ETV1: variants seen among roughly 807,000 people sequenced by gnomAD.
The protein encoded by ETV1 is ETS variant transcription factor 1, also known as ETS translocation variant 1.
ETV1 carries 27 observed loss-of-function variants against 62.3 expected under a neutral mutation model. That is an observed-to-expected ratio of 0.43 (90% CI 0.32 to 0.60). The LOEUF (loss-of-function observed/expected upper bound fraction) is 0.60, where lower values mean the gene tolerates loss of function less well. Ranked by LOEUF, ETV1 falls within the 20% of genes least tolerant of loss-of-function variation. ETV1 has a pLI of 0.06. For missense variants in ETV1, 605 were observed against 605.8 expected (o/e 1.00, Z 0.01); for synonymous variants, 222 against 199.6 (o/e 1.11, Z -0.94).
rs2128492073 is a variant in ETV1, at chr7:13,969,989, G to T, written c.235+7438C>A. Among the ~76,000 whole-genome samples, 4 of 152,202 alleles carry T rather than the reference G, an allele frequency of 2.6e-5. No individual in the cohort carries two copies. In the Middle Eastern group the frequency reaches 0.01, roughly 388 times the overall value. On this transcript the variant is annotated intron_variant, in intron 6 of 13. Coordinates refer to ENST00000430479, the MANE Select transcript of ETV1 (RefSeq NM_004956.5). ...TATTTAAACTGGGCCAGGCGCAGTG[G>T]CTCACGCCTGTAATCCCAGCACTTT...
At position 13,989,158 on chromosome 7, in the gene ETV1, G is replaced by T; in HGVS notation, c.-87-19C>A. Reference sequence around the variant, plus strand: ...TATCAACCTAGAGGGGAACAAGATGGCTTTTAGGCTTAAAAAAAAATCATG... The same window carrying T: ...TATCAACCTAGAGGGGAACAAGATGTCTTTTAGGCTTAAAAAAAAATCATG... On this transcript the variant is annotated intron_variant, in intron 2 of 13. Transcript: ENST00000430479. 1.1e-6 allele frequency: 1 copy of T among 889,394 alleles called. No individual in the cohort carries two copies. The highest frequency in any genetic ancestry group is 1.7e-6 in the Non-Finnish European group (1 of 600,268). The allele number at this position is 889,394 out of a possible 1,614,324, so 55.1% of individuals were successfully genotyped here.
intron 3 of ETV1, 183 bp downstream of exon 3, chr7:13,988,825 C>T: frequency 6.2e-7 from 1 of 1,600,862 alleles, no homozygotes; most frequent in Non-Finnish European, 8.5e-7. Flanking sequence ...TTATCCAAAT[C>T]ACTGAAAGGT....
intron 9 of ETV1, among the ~76,000 whole-genome samples, chr7:13,915,322 T>C (rs1221573787): frequency 6.6e-6 from 1 of 152,186 alleles, no homozygotes; most frequent in Non-Finnish European, 1.5e-5. Context: ...TCTGAAATTA[T>C]CATATACTCA....
intron 6 of ETV1, among the ~76,000 whole-genome samples, chr7:13,948,391 C>T (rs1788414719): frequency 6.6e-6 from 1 of 152,170 alleles, no homozygotes; most frequent in East Asian, 1.9e-4. Flanking sequence ...TAATTCTTCT[C>T]TAAACAGAAA....
intron 9 of ETV1, among the ~76,000 whole-genome samples, chr7:13,916,732 C>T (rs1047933516): frequency 6.6e-6 from 1 of 152,028 alleles, no homozygotes; most frequent in African/African-American, 2.4e-5. Flanking sequence ...AGTTCAAGAC[C>T]AGCCTGGGCA....
intron 5 of ETV1, among the ~76,000 whole-genome samples, chr7:13,980,191 G>A (rs1027849324): frequency 1.3e-5 from 2 of 152,060 alleles, no homozygotes; most frequent in African/African-American, 4.8e-5. Flanking sequence ...TAGACCAAAC[G>A]AAGCAGCATG....
chr7:13,903,787 T>C (rs1583570011), intron 12 of ETV1, among the ~76,000 whole-genome samples: 1 of 151,542 alleles, frequency 6.6e-6, no homozygotes, highest in East Asian at 1.9e-4. Flanking sequence ...AAAAAAATTG[T>C]TTCCTGGAAC....
At chr7:13,900,261 A>G (rs1479118363) in intron 13 of ETV1, 1 of 152,636 alleles carries the variant, frequency 6.6e-6, no homozygotes, top group Non-Finnish European at 1.5e-5. Context: ...ATGTCAAACT[A>G]TCAGATGATA....
At chr7:13,904,523 A>C (rs75347894) in intron 12 of ETV1, among the ~76,000 whole-genome samples, 1,709 of 152,274 alleles carry the variant, frequency 0.011, 27 homozygotes, top group African/African-American at 0.039. Flanking sequence ...AAAAAGCTTA[A>C]TCATTTGCAA....
In ETV1 at chr7:13,902,222, G is replaced by C. The variant is rs1354807821; in HGVS notation, c.1111-1383C>G. 3.9e-5 allele frequency among the ~76,000 whole-genome samples: 6 copies of C among 151,942 alleles called. No individual in the cohort carries two copies. The East Asian group carries it at 1.2e-3, about 29-fold the overall frequency. The stretch of plus-strand genomic sequence containing the variant: ...ATACTAAAATAGATTGCTTTTCAAA[G>C]AGATCATTCTGTCTCTCTTTGCTTT... On this transcript the variant is annotated intron_variant, in intron 12 of 13. Coordinates refer to ENST00000430479, the MANE Select transcript of ETV1 (RefSeq NM_004956.5).
intron 6 of ETV1, among the ~76,000 whole-genome samples, chr7:13,940,390 GA>G (rs566547820): frequency 2.2e-3 from 271 of 124,034 alleles, no homozygotes; most frequent in Admixed American, 3.3e-3. Context: ...AGAAAAAAAA[GA>G]AAAAAAAAGC....
At chr7:13,909,090 G>GC (rs1450958868) in intron 11 of ETV1, among the ~76,000 whole-genome samples, 2 of 145,940 alleles carry the variant, frequency 1.4e-5, no homozygotes, top group Non-Finnish European at 3.0e-5. Context: ...TCCCTTTTAA[G>GC]CAATTACAAA....
At chr7:13,965,933 T>A (rs1319228236) in intron 6 of ETV1, among the ~76,000 whole-genome samples, 1 of 152,202 alleles carries the variant, frequency 6.6e-6, no homozygotes, top group Non-Finnish European at 1.5e-5. Context: ...ATTCATTCAA[T>A]TCAGTATTCA....
At chr7:13,961,162 A>C (rs953488020) in intron 6 of ETV1, among the ~76,000 whole-genome samples, 8 of 151,890 alleles carry the variant, frequency 5.3e-5, no homozygotes, top group African/African-American at 1.9e-4. Context: ...AAAAGAAAAA[A>C]AAGAAAAAGA....
At chr7:13,973,023 TA>T (rs1174502854) in intron 6 of ETV1, among the ~76,000 whole-genome samples, 1 of 152,252 alleles carries the variant, frequency 6.6e-6, no homozygotes, top group Non-Finnish European at 1.5e-5. Flanking sequence ...AAATATTTTG[TA>T]AACAGCAACA....
chr7:13,972,771 G>T (rs1032949219), intron 6 of ETV1, among the ~76,000 whole-genome samples: 4 of 151,984 alleles, frequency 2.6e-5, no homozygotes, highest in African/African-American at 9.7e-5. Flanking sequence ...TTTTCACTTG[G>T]TTTTTATTTT....
At chr7:13,953,823 A>G (rs1789103338) in intron 6 of ETV1, among the ~76,000 whole-genome samples, 1 of 152,188 alleles carries the variant, frequency 6.6e-6, no homozygotes, top group Non-Finnish European at 1.5e-5. Flanking sequence ...AAAGTGGTAA[A>G]TATATTCCTT....
At chr7:13,986,892 A>T (rs1284085313) in intron 4 of ETV1, 6 of 500,276 alleles carry the variant, frequency 1.2e-5, no homozygotes, top group Non-Finnish European at 2.1e-5. Context: ...TTAAGAAATT[A>T]TTTTAGTCAA....
chr7:13,965,375 C>G (rs541269272), intron 6 of ETV1, among the ~76,000 whole-genome samples: 1 of 152,190 alleles, frequency 6.6e-6, no homozygotes, highest in Non-Finnish European at 1.5e-5. Context: ...TGCTCTTGGT[C>G]TCTCTTCATC....
Sources: gnomAD v4.1 joint callset for allele counts (sites outside exome capture counted in the v4.1 genomes callset) on GRCh38, gnomAD v4.1.1 for gene constraint, MANE v1.5 for transcripts, NCBI Gene and HGNC (gene_info 2026-07-23, HGNC 2026-07-21) for gene names.